The following CTNNA1 variants were observed in gnomAD, a reference collection of about 807,000 sequenced individuals.
CTNNA1 encodes the protein catenin alpha 1, also known as catenin alpha-1.
A neutral mutation model predicts 98.4 loss-of-function variants in CTNNA1; 37 were observed. The observed-to-expected ratio is 0.38, with a 90% CI of 0.29 to 0.49. The LOEUF is 0.49. Ranked by LOEUF, CTNNA1 falls within the 20% of genes least tolerant of loss-of-function variation. CTNNA1 has a pLI of 0.95. For synonymous variants in CTNNA1, 404 were observed against 413.2 expected, an observed-to-expected ratio of 0.98 and a Z score of 0.27; for missense variants, 761 against 1,147.2, an observed-to-expected ratio of 0.66 and a Z score of 4.86.
intron 5 of CTNNA1, among the ~76,000 whole-genome samples, chr5:138,824,118 AG>A (rs1760392428): frequency 6.6e-6 from 1 of 152,110 alleles, no homozygotes; most frequent in South Asian, 2.1e-4. Context: ...GATGCTAGGC[AG>A]TTTGTTTTGT....
intron 5 of CTNNA1, among the ~76,000 whole-genome samples, chr5:138,823,483 T>C (rs1314221831): frequency 6.6e-6 from 1 of 152,200 alleles, no homozygotes; most frequent in Admixed American, 6.5e-5. Flanking sequence ...ACCTGCGAAC[T>C]GTTTAATGTA....
intron 14 of CTNNA1, 80 bp from the exon 15 acceptor site, chr5:138,930,393 G>T: frequency 9.7e-7 from 1 of 1,033,556 alleles, no homozygotes; most frequent in East Asian, 2.4e-5. Flanking sequence ...CAGATTGCCT[G>T]TTGGAAATAT....
At chr5:138,922,199 A>G (rs1174689244) in intron 11 of CTNNA1, among the ~76,000 whole-genome samples, 15 of 152,120 alleles carry the variant, frequency 9.9e-5, no homozygotes, top group Admixed American at 9.8e-4. Context: ...TCTACTTTAA[A>G]CATATATGCT....
chr5:138,835,223 CA>C (rs1339834985), intron 7 of CTNNA1, among the ~76,000 whole-genome samples: 1 of 152,154 alleles, frequency 6.6e-6, no homozygotes, highest in Non-Finnish European at 1.5e-5. Flanking sequence ...ATGCAGGTGA[CA>C]GGGGATATGA....
chr5:138,823,828 G>A (rs1389865449), intron 5 of CTNNA1, among the ~76,000 whole-genome samples: 1 of 149,552 alleles, frequency 6.7e-6, no homozygotes. Flanking sequence ...GTAGTGGCGG[G>A]CGCCTGTAGT....
At chr5:138,753,864 T>G in intron 1 of CTNNA1, 1 of 162,428 alleles carries the variant, frequency 6.2e-6, no homozygotes, top group Non-Finnish European at 1.3e-5. Context: ...CAAACTTTGT[T>G]ACCGCGGCCT....
rs1292607461 is a variant in CTNNA1, at chr5:138,924,751, G to A, written c.1747+41G>A. 10 of 1,518,732 alleles carry A rather than the reference G, an allele frequency of 6.6e-6. No individual in the cohort carries two copies. In the Admixed American group the frequency reaches 1.8e-4, roughly 27 times the overall value. The allele number at this position is 1,518,732 out of a possible 1,614,324, so 94.1% of individuals were successfully genotyped here. ...CTTTCCAGTGCTCGCACACACCGCA[G>A]CCTCAGTGAGGCAGGCCACCCCATT... On this transcript the variant is annotated intron_variant, in intron 12 of 17. Transcript: ENST00000302763.
Position 138,879,794 on chromosome 5 carries a change from G to A in CTNNA1, c.1063-6418G>A, listed in dbSNP as rs58416876. On this transcript the variant is annotated intron_variant, in intron 7 of 17. Transcript: ENST00000302763. The stretch of plus-strand genomic sequence containing the variant: ...TTAAAGTCCTTTTGTTATCTTGTTA[G>A]TAAACACAACTGAGAAAGCAGTAGA... Among the ~76,000 whole-genome samples the A allele has an allele frequency of 0.018, 2,746 of 152,266 alleles. 75 individuals carry two copies. Among genetic ancestry groups the A allele is most frequent in the African/African-American group, 0.063 (2,606 of 41,558 alleles).
At position 138,932,426 on chromosome 5, in the gene CTNNA1, G is replaced by T. The variant is rs149645409; in HGVS notation, c.2299-152G>T. The T allele has an allele frequency of 2.8e-6, 4 of 1,454,002 alleles. No individual in the cohort carries two copies. The African/African-American group carries it at 5.7e-5, about 21-fold the overall frequency. The allele number at this position is 1,454,002 out of a possible 1,614,324, so 90.1% of individuals were successfully genotyped here. On this transcript the variant is annotated intron_variant, in intron 16 of 17. Coordinates refer to ENST00000302763, the MANE Select transcript of CTNNA1 (RefSeq NM_001903.5). ...ATCCCCAAGCAGAGTGTAGGCAAGGGCTGTGACTGCCTCAGGTAATTGGGT... is the reference window on the plus strand; with the variant it reads ...ATCCCCAAGCAGAGTGTAGGCAAGGTCTGTGACTGCCTCAGGTAATTGGGT...
intron 7 of CTNNA1, among the ~76,000 whole-genome samples, chr5:138,867,716 A>G (rs1242250034): frequency 6.6e-6 from 1 of 151,358 alleles, no homozygotes; most frequent in African/African-American, 2.4e-5. Flanking sequence ...CTTAATGATA[A>G]ATGTATTTTC....
Position 138,874,568 on chromosome 5 carries a change from A to C in CTNNA1, c.1063-11644A>C, listed in dbSNP as rs755645224. 6.8e-7 allele frequency: 1 copy of C among 1,468,602 alleles called. No homozygotes were observed. The highest frequency in any genetic ancestry group is 1.4e-5 in the African/African-American group (1 of 70,464). 91.0% of individuals were successfully genotyped at this position (1,468,602 alleles called of 1,614,324 possible). On this transcript the variant is annotated intron_variant, in intron 7 of 17. Transcript: ENST00000302763. This position sits in a 1 kb window ranked among gnomAD's most constrained non-coding sequence, Gnocchi z 4.1. ...CTTGAAATGTAAGCCTGCAGAATAT[A>C]ATTTAAGGAAAACAAGAAGATAGGA...
At chr5:138,932,405 C>A in intron 16 of CTNNA1, 173 bp from the exon 17 acceptor site, 1 of 1,428,874 alleles carries the variant, frequency 7.0e-7, no homozygotes, top group South Asian at 1.6e-5. Context: ...GCCTCCATCC[C>A]CAAGCAGAGT....
chr5:138,892,379 G>A (rs1214706513), intron 9 of CTNNA1, among the ~76,000 whole-genome samples: 12 of 115,956 alleles, frequency 1.0e-4, no homozygotes, highest in Non-Finnish European at 1.3e-4. Flanking sequence ...TTGCTCTGTC[G>A]CCCAGGCTGG....
intron 16 of CTNNA1, 78 bp downstream of exon 16, chr5:138,931,013 A>C: frequency 2.3e-6 from 2 of 874,846 alleles, no homozygotes; most frequent in Non-Finnish European, 3.9e-6. Context: ...ATTCAGGGTA[A>C]GTTTCATGGG....
At chr5:138,776,253 A>G (rs1485695538) in intron 1 of CTNNA1, among the ~76,000 whole-genome samples, 2 of 151,830 alleles carry the variant, frequency 1.3e-5, no homozygotes, top group Admixed American at 6.5e-5. Context: ...ACTCTTAACG[A>G]GCATGCTGCC....
chr5:138,822,686 T>C (rs1056671802), intron 5 of CTNNA1, among the ~76,000 whole-genome samples: 3 of 152,168 alleles, frequency 2.0e-5, no homozygotes, highest in African/African-American at 7.2e-5. Context: ...ATCTACAGGG[T>C]CCTGTTTTTG....
rs376238778 is a variant in CTNNA1 at position 138,879,048 on chromosome 5, G to A, written c.1063-7164G>A. 4.9e-3 allele frequency among the ~76,000 whole-genome samples: 745 copies of A among 151,684 alleles called. 2 individuals carry two copies. Among genetic ancestry groups the A allele is most frequent in the African/African-American group, 0.017 (715 of 41,386 alleles). Reference sequence around the variant, plus strand: ...AAGGTGGTGAAATCCCGTCTCTACCGAACATACAAAAATCAGCTGGGCACG... The same window carrying A: ...AAGGTGGTGAAATCCCGTCTCTACCAAACATACAAAAATCAGCTGGGCACG... On this transcript the variant is annotated intron_variant, in intron 7 of 17. Transcript: ENST00000302763.
chr5:138,891,208 C>G (rs781120823), intron 9 of CTNNA1: 2 of 152,196 alleles, frequency 1.3e-5, no homozygotes, highest in Non-Finnish European at 2.9e-5. Context: ...CTCTTCACAC[C>G]AGAGTGAGTG....
At chr5:138,833,572 A>G (rs1244789495) in intron 7 of CTNNA1, among the ~76,000 whole-genome samples, 2 of 152,212 alleles carry the variant, frequency 1.3e-5, no homozygotes, top group Non-Finnish European at 2.9e-5. Context: ...ATATGTATCT[A>G]TAACTTGTAT....
Sources: allele counts gnomAD v4.1 joint callset (sites outside exome capture counted in the v4.1 genomes callset), GRCh38; gene constraint gnomAD v4.1.1; non-coding constraint Gnocchi (gnomAD v3.1); transcripts MANE v1.5; gene names NCBI Gene and HGNC (gene_info 2026-07-23, HGNC 2026-07-21).